Variants in PIWIL4 observed in about 807,000 individuals in gnomAD.
The protein encoded by PIWIL4 is piwi-like protein 4.
In PIWIL4, 50 loss-of-function variants were observed where a neutral mutation model predicts 100.9. The ratio of observed to expected loss-of-function variants is 0.50; its 90% CI spans 0.39 to 0.63. The LOEUF is 0.63. Ranked by LOEUF, PIWIL4 falls within the 20% of genes least tolerant of loss-of-function variation. The pLI, the probability that PIWIL4 is intolerant of heterozygous loss-of-function variation, is 0.00. For missense variants in PIWIL4, 887 were observed against 1,043.3 expected, an observed-to-expected ratio of 0.85 and a Z score of 2.06; for synonymous variants, 342 against 367.5, an observed-to-expected ratio of 0.93 and a Z score of 0.79.
chr11:94,569,915 A>G (rs1053440824), intron 2 of PIWIL4, among the ~76,000 whole-genome samples: 1 of 152,172 alleles, frequency 6.6e-6, no homozygotes, highest in African/African-American at 2.4e-5. Flanking sequence ...TATGCAATAT[A>G]TCCATGTAAC....
intron 17 of PIWIL4, among the ~76,000 whole-genome samples, chr11:94,618,480 T>C (rs1948869557): frequency 6.6e-6 from 1 of 152,188 alleles, no homozygotes. Context: ...AAGGCCCTAA[T>C]ACACACAGAA....
At chr11:94,568,047 A>G (rs1253108567) in intron 1 of PIWIL4, among the ~76,000 whole-genome samples, 1 of 151,870 alleles carries the variant, frequency 6.6e-6, no homozygotes, top group Non-Finnish European at 1.5e-5. Context: ...CTATAGAGAA[A>G]GCTCCTTGCT....
chr11:94,617,198 A>G (rs1948856432), intron 16 of PIWIL4, among the ~76,000 whole-genome samples: 1 of 150,736 alleles, frequency 6.6e-6, no homozygotes, highest in Non-Finnish European at 1.5e-5. Flanking sequence ...CATGTTGGTA[A>G]TGGACTTATA....
chr11:94,567,644 C>G, intron 1 of PIWIL4, 39 bp downstream of exon 1: 4 of 1,538,002 alleles, frequency 2.6e-6, no homozygotes, highest in Non-Finnish European at 3.5e-6. Flanking sequence ...TCGTTTTCTC[C>G]TACCTCTGTC....
intron 15 of PIWIL4, 86 bp from the exon 16 acceptor site, chr11:94,616,407 C>T: frequency 8.6e-7 from 1 of 1,165,788 alleles, no homozygotes; most frequent in Non-Finnish European, 1.2e-6. Context: ...TACTCATAAT[C>T]TCTGTTTCTT....
At chr11:94,572,421 G>C (rs10831242) in intron 2 of PIWIL4, among the ~76,000 whole-genome samples, 11 of 152,160 alleles carry the variant, frequency 7.2e-5, no homozygotes, top group Admixed American at 5.9e-4. Context: ...TATGGTTTTA[G>C]GTCTAAGATT....
intron 3 of PIWIL4, among the ~76,000 whole-genome samples, chr11:94,575,339 C>T (rs1471174339): frequency 6.6e-6 from 1 of 152,174 alleles, no homozygotes; most frequent in African/African-American, 2.4e-5. Flanking sequence ...CCCCAAATGA[C>T]ATCTCACTTT....
chr11:94,582,574 T>A (rs914059498), intron 4 of PIWIL4, among the ~76,000 whole-genome samples: 1 of 152,198 alleles, frequency 6.6e-6, no homozygotes, highest in African/African-American at 2.4e-5. Flanking sequence ...CTTTGAAAAA[T>A]CCATGATCAT....
Position 94,621,025 on chromosome 11 carries a change from A to G in PIWIL4, c.*33A>G, listed in dbSNP as rs1216205889. On this transcript the variant is annotated 3_prime_UTR_variant, in exon 20 of 20. Coordinates refer to ENST00000299001, the MANE Select transcript of PIWIL4 (RefSeq NM_152431.3). ...AACTACTGGCATCACTAGATGGACAATCCAAGAAGAAATTGGTATACTTTG... is the reference window on the plus strand; with the variant it reads ...AACTACTGGCATCACTAGATGGACAGTCCAAGAAGAAATTGGTATACTTTG... 10 of 1,473,232 alleles carry G rather than the reference A, an allele frequency of 6.8e-6. No individual in the cohort carries two copies. The highest frequency in any genetic ancestry group is 9.5e-6 in the Non-Finnish European group (10 of 1,052,706). 91.3% of individuals were successfully genotyped at this position (1,473,232 alleles called of 1,614,324 possible).
chr11:94,584,486 A>G (rs1376385741), intron 5 of PIWIL4, among the ~76,000 whole-genome samples: 1 of 152,236 alleles, frequency 6.6e-6, no homozygotes, highest in East Asian at 1.9e-4. Context: ...CCAGTCTTGC[A>G]TGCTGACATT....
Position 94,618,125 on chromosome 11 carries a change from T to C in PIWIL4, c.2168+18T>C, listed in dbSNP as rs778632529. 4 of 1,541,926 alleles carry C rather than the reference T, an allele frequency of 2.6e-6. No individual in the cohort carries two copies. The highest frequency in any genetic ancestry group is 3.5e-4 in the Middle Eastern group (2 of 5,778). ...AATACCAGGTATTCAATTATTGTTC[T>C]TTCCTCCATACTCCCAATTATAGCA... On this transcript the variant is annotated intron_variant, in intron 17 of 19. Transcript: ENST00000299001.
chr11:94,576,949 G>A (rs1475881973), intron 3 of PIWIL4, among the ~76,000 whole-genome samples: 3 of 152,296 alleles, frequency 2.0e-5, no homozygotes, highest in Non-Finnish European at 2.9e-5. Flanking sequence ...TACTTGAGCC[G>A]ATTTGAATTG....
intron 12 of PIWIL4, 77 bp downstream of exon 12, chr11:94,602,056 C>T (rs1325004864): frequency 2.1e-5 from 29 of 1,356,146 alleles, no homozygotes; most frequent in Non-Finnish European, 2.7e-5. Flanking sequence ...GATGTATCAA[C>T]AAAAGCTTCT....
chr11:94,608,499 T>G (rs1394784110), intron 14 of PIWIL4, 84 bp from the exon 15 acceptor site: 2 of 1,152,712 alleles, frequency 1.7e-6, no homozygotes, highest in East Asian at 2.4e-5. Context: ...AACTGGAGTC[T>G]GTTTTTAAAA....
chr11:94,583,954 G>A (rs1254667107), intron 5 of PIWIL4, among the ~76,000 whole-genome samples: 3 of 152,092 alleles, frequency 2.0e-5, no homozygotes, highest in Admixed American at 6.5e-5. Flanking sequence ...TCTCCTAGCC[G>A]ATTGATTTAG....
chr11:94,610,534 A>G (rs986633629), intron 15 of PIWIL4, among the ~76,000 whole-genome samples: 5 of 152,086 alleles, frequency 3.3e-5, no homozygotes, highest in African/African-American at 7.2e-5. Flanking sequence ...GGTCATAGCC[A>G]TCCTACAGGT....
At chr11:94,578,639 A>G (rs1324377656) in intron 4 of PIWIL4, among the ~76,000 whole-genome samples, 3 of 152,210 alleles carry the variant, frequency 2.0e-5, no homozygotes, top group Non-Finnish European at 4.4e-5. Context: ...CTACCCAAGT[A>G]TCGCCAAAAT....
intron 7 of PIWIL4, 54 bp from the exon 8 acceptor site, chr11:94,589,067 G>A (rs1948443229): frequency 7.7e-7 from 1 of 1,293,054 alleles, no homozygotes; most frequent in Non-Finnish European, 1.1e-6. Context: ...TGGTGAAGTA[G>A]CTGCTTATGT....
In PIWIL4 at chr11:94,598,694, A is replaced by G. The variant is rs11020854; in HGVS notation, c.1380+779A>G. Among the ~76,000 whole-genome samples the G allele has an allele frequency of 7.8e-3, 1,050 of 134,874 alleles. 11 individuals are homozygous for G. The highest frequency in any genetic ancestry group is 0.027 in the African/African-American group (960 of 35,774). The allele number at this position is 134,874 out of a possible 152,430, so 88.5% of individuals were successfully genotyped here. On this transcript the variant is annotated intron_variant, in intron 11 of 19. Coordinates refer to ENST00000299001, the MANE Select transcript of PIWIL4 (RefSeq NM_152431.3). ...GTATCATGTTGGTAGAATGGGGGGAATTTTTTCCATCTTTTTTTTTTTTTT... is the reference window on the plus strand; with the variant it reads ...GTATCATGTTGGTAGAATGGGGGGAGTTTTTTCCATCTTTTTTTTTTTTTT...
Sources: gnomAD v4.1 joint callset for allele counts (sites outside exome capture counted in the v4.1 genomes callset) on GRCh38, gnomAD v4.1.1 for gene constraint, MANE v1.5 for transcripts, NCBI Gene and HGNC (gene_info 2026-07-23, HGNC 2026-07-21) for gene names.